Variants in EDARADD observed in about 807,000 individuals in gnomAD.
EDARADD encodes EDAR associated via death domain.
A neutral mutation model predicts 25.6 loss-of-function variants in EDARADD; 20 were observed. That is an observed-to-expected ratio of 0.78 (90% CI 0.55 to 1.14). The LOEUF (loss-of-function observed/expected upper bound fraction) is 1.14. Ranked by LOEUF, EDARADD falls within the 50% of genes most tolerant of loss-of-function variation. EDARADD has a pLI of 0.00. For synonymous variants in EDARADD, 86 were observed against 94.4 expected (o/e 0.91, Z 0.52); for missense variants, 225 against 270.1 (o/e 0.83, Z 1.17).
At chr1:236,455,223 A>G (rs991862724) in intron 4 of EDARADD, among the ~76,000 whole-genome samples, 1 of 148,402 alleles carries the variant, frequency 6.7e-6, no homozygotes, top group Non-Finnish European at 1.5e-5. Context: ...AAAAAAAAAA[A>G]TAGTGGATGG....
At chr1:236,425,037 C>T (rs979791951) in intron 3 of EDARADD, among the ~76,000 whole-genome samples, 3 of 152,158 alleles carry the variant, frequency 2.0e-5, no homozygotes, top group Non-Finnish European at 4.4e-5. Flanking sequence ...CAGGTGGCCC[C>T]CGTCGCAGGC....
At chr1:236,381,568 A>T (rs12065714) in intron 3 of EDARADD, among the ~76,000 whole-genome samples, 11,322 of 151,844 alleles carry the variant, frequency 0.075, 815 homozygotes, top group African/African-American at 0.18. Flanking sequence ...CATTAGTTTT[A>T]TCTCTACATA....
chr1:236,380,243 G>A (rs1343952014), intron 3 of EDARADD, among the ~76,000 whole-genome samples: 1 of 152,232 alleles, frequency 6.6e-6, no homozygotes, highest in Non-Finnish European at 1.5e-5. Flanking sequence ...AAAGGTGTAA[G>A]TTGAGATAGG....
chr1:236,459,894 G>T (rs997153399), intron 4 of EDARADD, among the ~76,000 whole-genome samples: 1 of 152,012 alleles, frequency 6.6e-6, no homozygotes, highest in African/African-American at 2.4e-5. Context: ...GATTACAGGC[G>T]CACCGGCCTT....
chr1:236,389,137 A>G (rs1667391273), intron 3 of EDARADD, among the ~76,000 whole-genome samples: 1 of 152,216 alleles, frequency 6.6e-6, no homozygotes, highest in African/African-American at 2.4e-5. Flanking sequence ...GGCATTCACT[A>G]AAAAAGCAGC....
At chr1:236,409,003 C>T (rs1291918536) in intron 1 of EDARADD, among the ~76,000 whole-genome samples, 21 of 151,160 alleles carry the variant, frequency 1.4e-4, no homozygotes, top group Admixed American at 8.6e-4. Context: ...GTGATCCACC[C>T]GCCTTGGCCT....
At chr1:236,430,856 G>A (rs1038748541) in intron 4 of EDARADD, among the ~76,000 whole-genome samples, 4 of 152,090 alleles carry the variant, frequency 2.6e-5, no homozygotes, top group Non-Finnish European at 4.4e-5. Flanking sequence ...GGTGGCTCAC[G>A]CCTATAATCC....
At chr1:236,393,391 C>CTTTTTTTTTTTTTTTTTTTTTTTT (rs761525038), upstream of EDARADD, among the ~76,000 whole-genome samples, 33 of 87,200 alleles carry the variant, frequency 3.8e-4, 3 homozygotes, top group African/African-American at 1.1e-3. Context: ...TTCTTTCTTT[C>CTTTTTTTTTTTTTTTTTTTTTTTT]TTTTTTTTTT....
At chr1:236,428,732 G>A (rs1214647549) in intron 4 of EDARADD, among the ~76,000 whole-genome samples, 1 of 148,180 alleles carries the variant, frequency 6.7e-6, no homozygotes, top group Non-Finnish European at 1.5e-5. Flanking sequence ...CCCAGACGGG[G>A]TGGCGGCCGG....
intron 1 of EDARADD, among the ~76,000 whole-genome samples, chr1:236,407,703 A>G (rs1355353265): frequency 6.6e-6 from 1 of 150,424 alleles, no homozygotes; most frequent in Non-Finnish European, 1.5e-5. Flanking sequence ...CACTGCACAA[A>G]TCTGGAGGAT....
intron 3 of EDARADD, among the ~76,000 whole-genome samples, chr1:236,356,853 G>A (rs1666983974): frequency 6.6e-6 from 1 of 152,132 alleles, no homozygotes; most frequent in Admixed American, 6.5e-5. Context: ...GGAGGCCGAG[G>A]TGGGCAGATC....
chr1:236,414,385 TAAAA>T, intron 3 of EDARADD, 86 bp downstream of exon 3: 1 of 1,098,872 alleles, frequency 9.1e-7, no homozygotes, highest in Non-Finnish European at 1.4e-6. Flanking sequence ...TTTCATTATT[TAAAA>T]TTGTAAAGTA....
intron 3 of EDARADD, among the ~76,000 whole-genome samples, chr1:236,380,133 T>G (rs1012100834): frequency 1.3e-5 from 2 of 152,164 alleles, no homozygotes; most frequent in African/African-American, 2.4e-5. Flanking sequence ...AACGCTCCCA[T>G]GCCTTCTAGA....
intron 3 of EDARADD, among the ~76,000 whole-genome samples, chr1:236,366,080 T>C (rs1041418204): frequency 6.6e-6 from 1 of 152,238 alleles, no homozygotes; most frequent in Non-Finnish European, 1.5e-5. Flanking sequence ...AACATCGGTG[T>C]CAGTTCTGGG....
At chr1:236,475,525 G>A (rs1160558913) in intron 5 of EDARADD, among the ~76,000 whole-genome samples, 1 of 152,156 alleles carries the variant, frequency 6.6e-6, no homozygotes. Context: ...AGCGTTTTGG[G>A]AGGCTGAGGT....
In EDARADD at chr1:236,395,205, A is replaced by C. The variant is rs375662475; in HGVS notation, c.61+700A>C. 5.0e-4 allele frequency among the ~76,000 whole-genome samples: 76 copies of C among 152,312 alleles called. 1 individual carries two copies. The South Asian group carries it at 0.015, about 29-fold the overall frequency. On this transcript the variant is annotated intron_variant, in intron 1 of 5. Transcript: ENST00000334232. This position sits in a 1 kb window ranked among gnomAD's most constrained non-coding sequence, Gnocchi z 6.9. ...TTCTTAAGGCCAGTCCTTCGCTCGC[A>C]GTCTGTCCCGGGCGGCAGTCGTGTC... is the stretch of plus-strand genomic sequence containing the variant.
At chr1:236,444,167 A>G (rs1658472755) in intron 4 of EDARADD, among the ~76,000 whole-genome samples, 1 of 152,212 alleles carries the variant, frequency 6.6e-6, no homozygotes, top group Non-Finnish European at 1.5e-5. Flanking sequence ...AGTATAGTGT[A>G]AATATAACTT....
upstream of EDARADD, among the ~76,000 whole-genome samples, chr1:236,390,444 A>ACT (rs1667408402): frequency 6.6e-6 from 1 of 152,086 alleles, no homozygotes; most frequent in Non-Finnish European, 1.5e-5. Flanking sequence ...AATCCCAGCT[A>ACT]CAGGAGGCTG....
At chr1:236,466,876 G>A (rs1051287002) in intron 4 of EDARADD, among the ~76,000 whole-genome samples, 2 of 152,124 alleles carry the variant, frequency 1.3e-5, no homozygotes, top group Non-Finnish European at 2.9e-5. Context: ...AGACCATCCC[G>A]GCCAACATGG....
Sources: allele counts gnomAD v4.1 joint callset (sites outside exome capture counted in the v4.1 genomes callset), GRCh38; gene constraint gnomAD v4.1.1; non-coding constraint Gnocchi (gnomAD v3.1); transcripts MANE v1.5; gene names NCBI Gene and HGNC (gene_info 2026-07-23, HGNC 2026-07-21).